The following OXTR variants were observed in gnomAD, a reference collection of about 807,000 sequenced individuals.
OXTR encodes oxytocin receptor.
A neutral mutation model predicts 23.9 loss-of-function variants in OXTR; 19 were observed. That is an observed-to-expected ratio of 0.80 (90% CI 0.56 to 1.17). OXTR has a LOEUF of 1.17. OXTR is among the 50% of genes most tolerant of loss of function. The probability of loss-of-function intolerance (pLI) is 0.00; values close to 1 mark genes in which losing one functional copy is unlikely to be tolerated. For missense variants in OXTR, 500 were observed against 550.7 expected (o/e 0.91, Z 0.92); for synonymous variants, 278 against 250.5 (o/e 1.11, Z -1.04).
chr3:8,745,925 G>A (rs1272904069), downstream of OXTR: 12 of 1,425,412 alleles, frequency 8.4e-6, no homozygotes, highest in East Asian at 6.8e-5. The surrounding 1 kb of genome is among the most constrained non-coding windows in gnomAD (Gnocchi z 4.8). Context: ...ACTGGTCCCC[G>A]GGGGACTTCT....
intron 3 of OXTR, among the ~76,000 whole-genome samples, chr3:8,758,031 G>A (rs555089293): frequency 6.6e-6 from 1 of 152,216 alleles, no homozygotes; most frequent in South Asian, 2.1e-4. Context: ...GTTTTCAAGT[G>A]CAGTCTCTTG....
chr3:8,765,595 C>G (rs567961414), intron 3 of OXTR, among the ~76,000 whole-genome samples: 14 of 152,292 alleles, frequency 9.2e-5, no homozygotes, highest in African/African-American at 3.1e-4. Flanking sequence ...AGTTGGTGTT[C>G]GAGCTCCTCA....
chr3:8,752,531 G>A lies in OXTR; in HGVS notation c.*446C>T, dbSNP rs1415426878. On this transcript the variant is annotated 3_prime_UTR_variant, in exon 4 of 4. Transcript: ENST00000316793. ...CGCTTAAAGGCAAATACACTTTGAG[G>A]TCAGGAGGATCTTAGCACCACCCTT... 1.2e-5 allele frequency: 2 copies of A among 162,790 alleles called. No individual in the cohort carries two copies. The highest frequency in any genetic ancestry group is 3.5e-4 in the South Asian group (2 of 5,778). The allele number at this position is 162,790 out of a possible 1,614,324, so 10.1% of individuals were successfully genotyped here.
At chr3:8,753,378 T>C (rs1175252890) in intron 3 of OXTR, among the ~76,000 whole-genome samples, 154 bp from the exon 4 acceptor site, 1 of 152,122 alleles carries the variant, frequency 6.6e-6, no homozygotes, top group Non-Finnish European at 1.5e-5. Context: ...AGAGGCAAAG[T>C]TTGTCTTCCT....
At chr3:8,762,393 C>G (rs1708508089) in intron 3 of OXTR, among the ~76,000 whole-genome samples, 1 of 152,142 alleles carries the variant, frequency 6.6e-6, no homozygotes, top group Admixed American at 6.5e-5. Context: ...GGGCAGAAAC[C>G]CTAAGGGAAA....
intron 3 of OXTR, among the ~76,000 whole-genome samples, chr3:8,754,428 T>G (rs938924436): frequency 1.3e-5 from 2 of 152,170 alleles, no homozygotes; most frequent in Admixed American, 1.3e-4. Context: ...GCCACCTCCT[T>G]GTGTGTGAAG....
chr3:8,768,213 G>A lies in OXTR; in HGVS notation c.-26C>T. ...GACCCTGGCGGCAGCGGTGCGCCCC[G>A]GCCTTCGAGCCCTTTACGGCTTGGC... On this transcript the variant is annotated 5_prime_UTR_variant, in exon 3 of 4. Transcript: ENST00000316793. The surrounding 1 kb of genome is among the most constrained non-coding windows in gnomAD (Gnocchi z 5.4). 1.6e-6 allele frequency: 2 copies of A among 1,279,818 alleles called. No individual in the cohort carries two copies. Among genetic ancestry groups the A allele is most frequent in the Non-Finnish European group, 2.0e-6 (2 of 1,019,644 alleles). 79.3% of individuals were successfully genotyped at this position (1,279,818 alleles called of 1,614,324 possible).
chr3:8,765,612 G>A (rs990552404), intron 3 of OXTR, among the ~76,000 whole-genome samples: 10 of 152,164 alleles, frequency 6.6e-5, no homozygotes, highest in African/African-American at 2.4e-4. Flanking sequence ...CTCAAGACCT[G>A]GATCTGGTTT....
intron 3 of OXTR, among the ~76,000 whole-genome samples, chr3:8,753,853 G>C (rs1034250139): frequency 6.6e-6 from 1 of 152,176 alleles, no homozygotes; most frequent in African/African-American, 2.4e-5. Flanking sequence ...CAGACATCTT[G>C]TGGTTTAGGT....
In OXTR at chr3:8,766,731, T is replaced by C. The variant is rs1004024035; in HGVS notation, c.922+535A>G. Among the ~76,000 whole-genome samples the C allele has an allele frequency of 1.1e-4, 10 of 91,870 alleles. 1 individual carries two copies. The South Asian group carries it at 3.1e-3, about 29-fold the overall frequency. The allele number at this position is 91,870 out of a possible 152,430, so 60.3% of individuals were successfully genotyped here. ...CCCCCTTCAACTACTAGGTGCTTGG[T>C]TGGACAAATTGCCACTCCTGCAAGG... On this transcript the variant is annotated intron_variant, in intron 3 of 3. Coordinates refer to ENST00000316793, the MANE Select transcript of OXTR (RefSeq NM_000916.4).
rs768896079 is a variant in OXTR at position 8,768,860 on chromosome 3, G to T, written c.-238-269C>A. ...TCTAACCCCCTTTTCTAAGACGGTCGGCCGTCACTCCCTGAACTTCCACAG... is the reference window on the plus strand; with the variant it reads ...TCTAACCCCCTTTTCTAAGACGGTCTGCCGTCACTCCCTGAACTTCCACAG... On this transcript the variant is annotated intron_variant, in intron 1 of 3. Transcript: ENST00000316793. The surrounding 1 kb of genome is among the most constrained non-coding windows in gnomAD (Gnocchi z 5.4). 6.6e-6 allele frequency among the ~76,000 whole-genome samples: 1 copy of T among 152,080 alleles called. No homozygotes were observed. The highest frequency in any genetic ancestry group is 2.4e-5 in the African/African-American group (1 of 41,416).
chr3:8,743,144 C>T, the OXTR span, among the ~76,000 whole-genome samples: 13,604 of 152,156 alleles, frequency 0.089, 804 homozygotes, highest in Non-Finnish European at 0.14. Flanking sequence ...GTGAAGGGTC[C>T]GCCCCCATGA....
Position 8,752,720 on chromosome 3 carries a change from C to T in OXTR, c.*257G>A, listed in dbSNP as rs201344510. ...TACAAGTCCAGGAGAAAAAACAAGC[C>T]ACTCACTGCCCAGGGCAGCAGTGGG... On this transcript the variant is annotated 3_prime_UTR_variant, in exon 4 of 4. Transcript: ENST00000316793. 22 of 448,164 alleles carry T rather than the reference C, an allele frequency of 4.9e-5. No homozygotes were observed. The East Asian group carries it at 7.7e-4, about 16-fold the overall frequency. 27.8% of individuals were successfully genotyped at this position (448,164 alleles called of 1,614,324 possible).
At chr3:8,743,341 G>A in the OXTR span, among the ~76,000 whole-genome samples, 1 of 152,100 alleles carries the variant, frequency 6.6e-6, no homozygotes, top group Non-Finnish European at 1.5e-5. Flanking sequence ...CCATAAACAT[G>A]GGGAGTGAAT....
intron 3 of OXTR, among the ~76,000 whole-genome samples, chr3:8,766,211 T>C: frequency 6.6e-6 from 1 of 152,156 alleles, no homozygotes; most frequent in Non-Finnish European, 1.5e-5. Flanking sequence ...CACCCCCTCC[T>C]GGTCTTTCCA....
At position 8,768,180 on chromosome 3, in the gene OXTR, C is replaced by A; in HGVS notation, c.8G>T (p.Gly3Val). Residue 3 changes from glycine to valine, a missense_variant, in exon 3 of 4, where the codon GGC becomes GTC. Physicochemically the swap from Gly to Val is moderately radical, Grantham distance 109. Transcript: ENST00000316793. This position sits in a 1 kb window ranked among gnomAD's most constrained non-coding sequence, Gnocchi z 5.4. ...GGCGCTCCAGTTGGCTGCGAGCGCG[C>A]CCTCCATGACCCTGGCGGCAGCGGT... MEGALAANWSAEA... is the reference protein window; with the variant it reads MEVALAANWSAEA... The A allele has an allele frequency of 7.7e-7, 1 of 1,300,690 alleles. No homozygotes were observed. The highest frequency in any genetic ancestry group is 2.5e-5 in the South Asian group (1 of 39,986). The allele number at this position is 1,300,690 out of a possible 1,614,324, so 80.6% of individuals were successfully genotyped here.
At chr3:8,741,594 A>G in the OXTR span, among the ~76,000 whole-genome samples, 1 of 152,158 alleles carries the variant, frequency 6.6e-6, no homozygotes, top group Admixed American at 6.5e-5. Flanking sequence ...GGAAAGTACC[A>G]TGCCCCAAAT....
chr3:8,748,117 G>A (rs918459854), downstream of OXTR, among the ~76,000 whole-genome samples: 13 of 152,070 alleles, frequency 8.5e-5, no homozygotes, highest in Admixed American at 4.6e-4. Flanking sequence ...GATACATAGG[G>A]GACCACCAGG....
downstream of OXTR, among the ~76,000 whole-genome samples, chr3:8,749,454 A>G (rs1237769409): frequency 1.3e-5 from 2 of 152,056 alleles, no homozygotes; most frequent in Admixed American, 6.5e-5. Context: ...GGCTCCTAGG[A>G]TGGCAACTTC....
Sources: allele counts gnomAD v4.1 joint callset (sites outside exome capture counted in the v4.1 genomes callset), GRCh38; gene constraint gnomAD v4.1.1; non-coding constraint Gnocchi (gnomAD v3.1); transcripts MANE v1.5; gene names NCBI Gene and HGNC (gene_info 2026-07-23, HGNC 2026-07-21).